The following ADORA1 variants were observed in gnomAD, a reference collection of about 807,000 sequenced individuals.
ADORA1 encodes adenosine A1 receptor.
Under a neutral mutation model 19.9 loss-of-function variants are expected in ADORA1, and 6 were observed. The ratio of observed to expected loss-of-function variants is 0.30; its 90% CI spans 0.17 to 0.59. The LOEUF (loss-of-function observed/expected upper bound fraction) is 0.59. ADORA1 is among the 20% of genes least tolerant of loss of function. The pLI is 0.87. For missense variants in ADORA1, 302 were observed against 439.2 expected, an observed-to-expected ratio of 0.69 and a Z score of 2.79; for synonymous variants, 194 against 188.4, an observed-to-expected ratio of 1.03 and a Z score of -0.24.
At chr1:203,158,854 C>T (rs1655275373) in intron 3 of ADORA1, among the ~76,000 whole-genome samples, 1 of 152,084 alleles carries the variant, frequency 6.6e-6, no homozygotes. Context: ...GAGCACACTC[C>T]CTAGAGAGAG....
chr1:203,134,890 G>A (rs936701032), intron 3 of ADORA1, among the ~76,000 whole-genome samples: 1 of 152,138 alleles, frequency 6.6e-6, no homozygotes, highest in African/African-American at 2.4e-5. Flanking sequence ...AACATTATAA[G>A]CATTTCCCTG....
At chr1:203,151,522 G>A (rs3766558) in intron 3 of ADORA1, among the ~76,000 whole-genome samples, 12,073 of 152,216 alleles carry the variant, frequency 0.079, 890 homozygotes, top group East Asian at 0.43. Flanking sequence ...TTCAAGGGTC[G>A]ATTGTGTATT....
intron 3 of ADORA1, chr1:203,144,669 G>A (rs1225893462): frequency 1.3e-5 from 2 of 152,202 alleles, no homozygotes; most frequent in Admixed American, 6.5e-5. Flanking sequence ...GCTGCTGGGT[G>A]ACCTTGAGGA....
chr1:203,151,578 C>T (rs1005189858), intron 3 of ADORA1, among the ~76,000 whole-genome samples: 4 of 152,166 alleles, frequency 2.6e-5, no homozygotes, highest in African/African-American at 9.7e-5. Flanking sequence ...GCAATGGGCA[C>T]CTGGTGCTAC....
intron 3 of ADORA1, among the ~76,000 whole-genome samples, chr1:203,159,395 G>A (rs569306453): frequency 1.6e-4 from 24 of 152,228 alleles, no homozygotes; most frequent in African/African-American, 4.1e-4. Context: ...TGACTGAGCC[G>A]GCCTCTCTCG....
At chr1:203,154,621 C>CTAG (rs1558135526) in intron 3 of ADORA1, among the ~76,000 whole-genome samples, 1 of 152,166 alleles carries the variant, frequency 6.6e-6, no homozygotes, top group Admixed American at 6.5e-5. Flanking sequence ...TAACCACTGC[C>CTAG]TAGTACACAG....
rs532636875 is a variant in ADORA1 at position 203,141,865 on chromosome 1, G to A, written c.341+12683G>A. Among the ~76,000 whole-genome samples, 9 of 152,242 alleles carry A rather than the reference G, an allele frequency of 5.9e-5. 1 individual carries two copies. In the South Asian group the frequency reaches 1.9e-3, roughly 32 times the overall value. The stretch of plus-strand genomic sequence containing the variant: ...CCCAAAGTGCTGGGATTACAGGCAT[G>A]AGCCACCACACCCGGCCTAACCTGG... On this transcript the variant is annotated intron_variant, in intron 3 of 3. Transcript: ENST00000337894.
Position 203,165,354 on chromosome 1 carries a change from C to A in ADORA1, c.435C>A (p.Gly145=). The change falls in exon 4 of 4, where the codon GGC becomes GGA. Residue 145 remains glycine, a synonymous_variant. Transcript: ENST00000337894. The surrounding 1 kb of genome is among the most constrained non-coding windows in gnomAD (Gnocchi z 5.9). ...SFVVGLTPMF[G]WNNLSAVERA... ...TGGTGGGACTGACCCCTATGTTTGGCTGGAACAATCTGAGTGCGGTGGAGC... is the reference window on the plus strand; with the variant it reads ...TGGTGGGACTGACCCCTATGTTTGGATGGAACAATCTGAGTGCGGTGGAGC... 6.3e-7 allele frequency: 1 copy of A among 1,585,914 alleles called. No individual in the cohort carries two copies. Among genetic ancestry groups the A allele is most frequent in the Non-Finnish European group, 8.6e-7 (1 of 1,165,530 alleles).
At chr1:203,131,219 C>T (rs956612666) in intron 3 of ADORA1, among the ~76,000 whole-genome samples, 5 of 152,164 alleles carry the variant, frequency 3.3e-5, no homozygotes, top group African/African-American at 9.7e-5. Flanking sequence ...CTGCCACTCA[C>T]GCTCTTAGGT....
intron 3 of ADORA1, among the ~76,000 whole-genome samples, chr1:203,134,509 C>A (rs1479552116): frequency 1.3e-5 from 2 of 152,134 alleles, no homozygotes; most frequent in African/African-American, 4.8e-5. Context: ...TGAAAGCTTC[C>A]CCCAGCTGGC....
chr1:203,165,528 C>T lies in ADORA1; in HGVS notation c.609C>T (p.Val203=). 6.2e-7 allele frequency: 1 copy of T among 1,613,806 alleles called. No individual in the cohort carries two copies. Residue 203 remains valine, a synonymous_variant, in exon 4 of 4, where the codon GTC becomes GTT. Transcript: ENST00000337894. The surrounding 1 kb of genome is among the most constrained non-coding windows in gnomAD (Gnocchi z 5.9). ...TCATGGTCCTCATCTACCTGGAGGT[C>T]TTCTACCTAATCCGCAAGCAGCTCA... is the stretch of plus-strand genomic sequence containing the variant. ...LLLMVLIYLE[V]FYLIRKQLNK... is the part of the protein sequence containing the mutation.
chr1:203,130,068 C>T (rs1654284273), intron 3 of ADORA1, among the ~76,000 whole-genome samples: 1 of 152,250 alleles, frequency 6.6e-6, no homozygotes, highest in South Asian at 2.1e-4. Context: ...CTGGGACGCT[C>T]TTGTGAGGCA....
At chr1:203,151,490 C>G (rs1039560297) in intron 3 of ADORA1, among the ~76,000 whole-genome samples, 3 of 152,206 alleles carry the variant, frequency 2.0e-5, no homozygotes, top group Non-Finnish European at 4.4e-5. Flanking sequence ...TATCTATGTC[C>G]TTGCAACCTG....
chr1:203,163,663 A>T (rs747260558), intron 3 of ADORA1, among the ~76,000 whole-genome samples: 14 of 152,198 alleles, frequency 9.2e-5, no homozygotes, highest in African/African-American at 3.1e-4. Context: ...TCTAGTCCTT[A>T]TCTTCTAGAT....
At chr1:203,144,923 C>G (rs1313738741) in intron 3 of ADORA1, 1 of 152,306 alleles carries the variant, frequency 6.6e-6, no homozygotes, top group African/African-American at 2.4e-5. Flanking sequence ...ACACTCACCT[C>G]CTGTGCAGAG....
At chr1:203,148,733 A>G (rs72739530) in intron 3 of ADORA1, among the ~76,000 whole-genome samples, 9,350 of 152,180 alleles carry the variant, frequency 0.061, 393 homozygotes, top group Middle Eastern at 0.099. Flanking sequence ...GTTTCTATCA[A>G]CTGGGTGAAG....
rs1654220442 is a variant in ADORA1, at chr1:203,128,355, CCG to C, written c.-128_-127del. 5 of 1,289,960 alleles carry C rather than the reference CCG, an allele frequency of 3.9e-6. No individual in the cohort carries two copies. Among genetic ancestry groups the C allele is most frequent in the Non-Finnish European group, 5.1e-6 (5 of 989,240 alleles). The allele number at this position is 1,289,960 out of a possible 1,614,324, so 79.9% of individuals were successfully genotyped here. Reference sequence around the variant, plus strand: ...TTGTCCAGAGCCCAGCCCAGCCCTACCGCGCGCGGCCCGGAGCTCTGTTCCCT... The same window carrying C: ...TTGTCCAGAGCCCAGCCCAGCCCTACCGCGCGGCCCGGAGCTCTGTTCCCT... On this transcript the variant is annotated 5_prime_UTR_variant, in exon 2 of 4. Transcript: ENST00000337894. This position sits in a 1 kb window ranked among gnomAD's most constrained non-coding sequence, Gnocchi z 5.9.
At chr1:203,141,572 ATTTTTTTT>A (rs56188119) in intron 3 of ADORA1, among the ~76,000 whole-genome samples, 4 of 73,524 alleles carry the variant, frequency 5.4e-5, no homozygotes, top group South Asian at 7.2e-4. Context: ...TCTAACCTGG[ATTTTTTTT>A]TTTTTTTTTT....
chr1:203,146,165 G>A (rs1285038017), intron 3 of ADORA1, among the ~76,000 whole-genome samples: 1 of 151,906 alleles, frequency 6.6e-6, no homozygotes, highest in Non-Finnish European at 1.5e-5. Context: ...AGTGTCAGGG[G>A]TGGGGGAGGG....
Sources: allele counts gnomAD v4.1 joint callset (sites outside exome capture counted in the v4.1 genomes callset), GRCh38; gene constraint gnomAD v4.1.1; non-coding constraint Gnocchi (gnomAD v3.1); transcripts MANE v1.5; gene names NCBI Gene and HGNC (gene_info 2026-07-23, HGNC 2026-07-21).